Variants in FRAS1 observed in about 807,000 individuals in gnomAD.
FRAS1 encodes the protein extracellular matrix organizing protein FRAS1.
Under a neutral mutation model 435.2 loss-of-function variants are expected in FRAS1, and 290 were observed. That is an observed-to-expected ratio of 0.67 (90% CI 0.61 to 0.73). The LOEUF is 0.73. Ranked by LOEUF, FRAS1 falls within the 30% of genes least tolerant of loss-of-function variation. The pLI is 0.00. For synonymous variants in FRAS1, 1,800 were observed against 1,851.0 expected (o/e 0.97, Z 0.71); for missense variants, 4,860 against 5,001.5 (o/e 0.97, Z 0.85).
intron 9 of FRAS1, among the ~76,000 whole-genome samples, chr4:78,268,633 C>T (rs1164365863): frequency 6.6e-6 from 1 of 152,152 alleles, no homozygotes; most frequent in East Asian, 1.9e-4. Flanking sequence ...AGAGGAGATT[C>T]TGGTAGGGTG....
At chr4:78,282,333 T>C (rs1245707762) in intron 11 of FRAS1, among the ~76,000 whole-genome samples, 1 of 152,196 alleles carries the variant, frequency 6.6e-6, no homozygotes, top group Non-Finnish European at 1.5e-5. Flanking sequence ...CCTGCAAAAG[T>C]CTTAATTTTT....
At chr4:78,268,710 C>G (rs1726496885) in intron 9 of FRAS1, among the ~76,000 whole-genome samples, 1 of 152,208 alleles carries the variant, frequency 6.6e-6, no homozygotes, top group South Asian at 2.1e-4. Flanking sequence ...AATTGTTTAG[C>G]ACATATCCCT....
chr4:78,375,859 C>T lies in FRAS1; in HGVS notation c.3272C>T (p.Thr1091Ile). The change falls in exon 26 of 74, where the codon ACC becomes ATC. Residue 1091 changes from threonine (T) to isoleucine (I), a missense_variant. Thr to Ile is a moderately conservative substitution (Grantham distance 89, BLOSUM62 -1). Coordinates refer to ENST00000512123, the MANE Select transcript of FRAS1 (RefSeq NM_025074.7). The part of the protein sequence containing the change: ...YNCVPGFSVH[T>I]SNETCSGKIH... Reference sequence around the variant, plus strand: ...TGTGTTCCTGGCTTTTCTGTCCACACCTCTAATGAAACATGTTCTGGTAAG... The same window carrying T: ...TGTGTTCCTGGCTTTTCTGTCCACATCTCTAATGAAACATGTTCTGGTAAG... 1 of 1,613,850 alleles carries T rather than the reference C, an allele frequency of 6.2e-7. No homozygotes were observed. The highest frequency in any genetic ancestry group is 8.5e-7 in the Non-Finnish European group (1 of 1,179,818).
intron 2 of FRAS1, among the ~76,000 whole-genome samples, chr4:78,159,402 C>T (rs4156): frequency 0.27 from 41,114 of 151,964 alleles, 5,858 homozygotes; most frequent in African/African-American, 0.35. Context: ...TGTTTGAGAA[C>T]AATATAAGAT....
chr4:78,274,900 T>C (rs1217170150), intron 9 of FRAS1, among the ~76,000 whole-genome samples: 1 of 152,202 alleles, frequency 6.6e-6, no homozygotes, highest in African/African-American at 2.4e-5. Flanking sequence ...ATCTGTCTAA[T>C]GTTGACAGTG....
intron 2 of FRAS1, among the ~76,000 whole-genome samples, chr4:78,092,978 A>G (rs1434272555): frequency 6.6e-6 from 1 of 152,234 alleles, no homozygotes; most frequent in Non-Finnish European, 1.5e-5. Context: ...TTTGAGAAGG[A>G]AAAAAACTCA....
At chr4:78,536,946 T>G in intron 71 of FRAS1, 49 bp from the exon 72 acceptor site, 1 of 1,504,254 alleles carries the variant, frequency 6.6e-7, no homozygotes. Flanking sequence ...ACATTTGTTT[T>G]TCTTTCATCT....
chr4:78,203,648 C>T (rs771272209), intron 2 of FRAS1, among the ~76,000 whole-genome samples: 41 of 152,214 alleles, frequency 2.7e-4, no homozygotes, highest in Non-Finnish European at 5.0e-4. Context: ...CTCACTGCAA[C>T]CTCCACCTCC....
chr4:78,283,751 A>G (rs1173754596), intron 12 of FRAS1, among the ~76,000 whole-genome samples: 1 of 152,224 alleles, frequency 6.6e-6, no homozygotes. Context: ...TGGCTTAATT[A>G]TGTTACCTAC....
chr4:78,490,610 G>C (rs1420858277), intron 59 of FRAS1, among the ~76,000 whole-genome samples: 3 of 152,152 alleles, frequency 2.0e-5, no homozygotes, highest in Non-Finnish European at 4.4e-5. Context: ...AAACCAATGA[G>C]AACAAACACA....
intron 30 of FRAS1, among the ~76,000 whole-genome samples, chr4:78,407,246 C>T (rs1312436933): frequency 6.6e-6 from 1 of 152,106 alleles, no homozygotes; most frequent in Non-Finnish European, 1.5e-5. Context: ...TTCTAATTTC[C>T]CATTATGTTT....
At chr4:78,141,862 T>C (rs887675934) in intron 2 of FRAS1, among the ~76,000 whole-genome samples, 2 of 152,154 alleles carry the variant, frequency 1.3e-5, no homozygotes, top group African/African-American at 2.4e-5. Context: ...GAGACTATTA[T>C]TCTAAGTGAT....
chr4:78,202,427 A>T (rs1464879155), intron 2 of FRAS1, among the ~76,000 whole-genome samples: 1 of 152,210 alleles, frequency 6.6e-6, no homozygotes, highest in Non-Finnish European at 1.5e-5. Context: ...GCCATGGCTC[A>T]TGCCTGTAAT....
rs149411022 is a variant in FRAS1, at chr4:78,297,238, T to C, written c.1534+10699T>C. On this transcript the variant is annotated intron_variant, in intron 14 of 73. Transcript: ENST00000512123. ...AAAACATCTTGGCAGTTTGAAAATA[T>C]GAACTGCAGCCTCACTGATGAATCT... 1.7e-3 allele frequency among the ~76,000 whole-genome samples: 266 copies of C among 152,338 alleles called. 3 individuals carry two copies. Among genetic ancestry groups the C allele is most frequent in the African/African-American group, 5.7e-3 (238 of 41,586 alleles).
At chr4:78,075,524 A>C (rs1312124614) in intron 2 of FRAS1, among the ~76,000 whole-genome samples, 1 of 152,194 alleles carries the variant, frequency 6.6e-6, no homozygotes. Flanking sequence ...GCAGTTTGGG[A>C]TAAGTGTCAG....
At chr4:78,141,616 T>C (rs1720185878) in intron 2 of FRAS1, among the ~76,000 whole-genome samples, 1 of 152,136 alleles carries the variant, frequency 6.6e-6, no homozygotes, top group African/African-American at 2.4e-5. Flanking sequence ...TAGCTTTTAG[T>C]ACAATAATGG....
intron 2 of FRAS1, among the ~76,000 whole-genome samples, chr4:78,081,682 T>C (rs1177571580): frequency 6.6e-6 from 1 of 152,164 alleles, no homozygotes; most frequent in Non-Finnish European, 1.5e-5. Flanking sequence ...CTGTTTGTCT[T>C]GGCTAGAGAT....
intron 41 of FRAS1, 49 bp from the exon 42 acceptor site, chr4:78,445,473 G>A (rs776848509): frequency 6.8e-7 from 1 of 1,468,818 alleles, no homozygotes; most frequent in African/African-American, 1.4e-5. Flanking sequence ...AGCCTAGTAA[G>A]CAGGAATTGA....
chr4:78,315,514 T>C (rs1007244660), intron 15 of FRAS1, 80 bp from the exon 16 acceptor site: 2 of 1,412,308 alleles, frequency 1.4e-6, no homozygotes, highest in Non-Finnish European at 1.9e-6. Flanking sequence ...ATACCCATTG[T>C]GGATATTGTA....
Sources: gnomAD v4.1 joint callset for allele counts (sites outside exome capture counted in the v4.1 genomes callset) on GRCh38, gnomAD v4.1.1 for gene constraint, MANE v1.5 for transcripts, NCBI Gene and HGNC (gene_info 2026-07-23, HGNC 2026-07-21) for gene names.